Variants in UBE3D observed in about 807,000 individuals in gnomAD.
The protein encoded by UBE3D is ubiquitin protein ligase E3D.
A neutral mutation model predicts 49.6 loss-of-function variants in UBE3D; 48 were observed. The observed-to-expected ratio is 0.97, with a 90% CI of 0.77 to 1.23. The LOEUF (loss-of-function observed/expected upper bound fraction) is 1.23, where lower values mean the gene tolerates loss of function less well. Among genes scored for constraint, UBE3D ranks in the 50% most tolerant of loss-of-function variants. The probability of loss-of-function intolerance (pLI) is 0.00; values close to 1 mark genes in which losing one functional copy is unlikely to be tolerated. For synonymous variants in UBE3D, 189 were observed against 174.2 expected (o/e 1.08, Z -0.67); for missense variants, 452 against 468.4 (o/e 0.96, Z 0.32).
intron 8 of UBE3D, among the ~76,000 whole-genome samples, chr6:82,962,222 A>G (rs1381798626): frequency 6.6e-6 from 1 of 152,204 alleles, no homozygotes; most frequent in Non-Finnish European, 1.5e-5. Context: ...TATAATCAAA[A>G]ACAAGTAATG....
At position 82,917,643 on chromosome 6, in the gene UBE3D, A is replaced by T. The variant is rs74379669; in HGVS notation, c.1150-24601T>A. Reference sequence around the variant, plus strand: ...CCAACACTGAGCCTGTACCTCTGTAACAAATGACAGTAAGGGAGAATCCCA... The same window carrying T: ...CCAACACTGAGCCTGTACCTCTGTATCAAATGACAGTAAGGGAGAATCCCA... On this transcript the variant is annotated intron_variant, in intron 9 of 9. Coordinates refer to ENST00000369747, the MANE Select transcript of UBE3D (RefSeq NM_198920.3). Among the ~76,000 whole-genome samples the T allele has an allele frequency of 1.5e-3, 230 of 152,346 alleles. 1 individual carries two copies. Among genetic ancestry groups the T allele is most frequent in the African/African-American group, 5.2e-3 (216 of 41,586 alleles).
chr6:82,931,792 T>C (rs1021095712), intron 9 of UBE3D, among the ~76,000 whole-genome samples: 1 of 152,170 alleles, frequency 6.6e-6, no homozygotes, highest in Non-Finnish European at 1.5e-5. Context: ...TTATCTCAGA[T>C]GAGACTTTGG....
chr6:82,883,484 A>C, the UBE3D span, among the ~76,000 whole-genome samples: 1 of 152,224 alleles, frequency 6.6e-6, no homozygotes, highest in African/African-American at 2.4e-5. Context: ...GATGAATAAA[A>C]TACTGGACCT....
At chr6:82,989,715 A>G (rs902795109) in intron 8 of UBE3D, among the ~76,000 whole-genome samples, 11 of 152,270 alleles carry the variant, frequency 7.2e-5, no homozygotes, top group Middle Eastern at 3.4e-3. Flanking sequence ...TTTGAAAGGG[A>G]ACTGTCCCAT....
In UBE3D at chr6:82,978,154, C is replaced by T. The variant is rs541992272; in HGVS notation, c.1011-20704G>A. Among the ~76,000 whole-genome samples, 6 of 152,110 alleles carry T rather than the reference C, an allele frequency of 3.9e-5. No individual in the cohort carries two copies. In the East Asian group the frequency reaches 1.2e-3, roughly 29 times the overall value. The stretch of plus-strand genomic sequence containing the variant: ...CAGATCTTGTACCAGGCAACACAGT[C>T]CTGGGGCAAGTTGACGCTAATGGAG... On this transcript the variant is annotated intron_variant, in intron 8 of 9. Transcript: ENST00000369747.
chr6:83,033,480 C>T (rs1782025403), intron 5 of UBE3D, among the ~76,000 whole-genome samples: 1 of 152,072 alleles, frequency 6.6e-6, no homozygotes, highest in Non-Finnish European at 1.5e-5. Flanking sequence ...TGGGAGGTGA[C>T]TGGATTATGG....
chr6:82,986,174 TAAG>T (rs1232319391), intron 8 of UBE3D, among the ~76,000 whole-genome samples: 1 of 152,168 alleles, frequency 6.6e-6, no homozygotes, highest in Non-Finnish European at 1.5e-5. Context: ...TCCATTTGCT[TAAG>T]AATACTTCTG....
chr6:82,973,212 T>G (rs1398191790), intron 8 of UBE3D, among the ~76,000 whole-genome samples: 2 of 152,318 alleles, frequency 1.3e-5, no homozygotes, highest in African/African-American at 2.4e-5. Context: ...CAACTTGGAT[T>G]TGATTCTCCT....
In UBE3D at chr6:82,977,240, C is replaced by A. The variant is rs1276984149; in HGVS notation, c.1011-19790G>T. Reference sequence around the variant, plus strand: ...CTTTATAAATGTCTTCAAAATCTTGCATTTTTTCACCATGATCTCTATCAG... The same window carrying A: ...CTTTATAAATGTCTTCAAAATCTTGAATTTTTTCACCATGATCTCTATCAG... On this transcript the variant is annotated intron_variant, in intron 8 of 9. Transcript: ENST00000369747. Among the ~76,000 whole-genome samples, 4 of 151,186 alleles carry A rather than the reference C, an allele frequency of 2.6e-5. No individual in the cohort carries two copies. In the East Asian group the frequency reaches 7.8e-4, roughly 30 times the overall value.
intron 9 of UBE3D, among the ~76,000 whole-genome samples, chr6:82,936,940 G>T (rs892569734): frequency 3.9e-5 from 6 of 152,190 alleles, no homozygotes; most frequent in Non-Finnish European, 8.8e-5. Flanking sequence ...TATAGACAGG[G>T]AAAGTGACTT....
intron 9 of UBE3D, among the ~76,000 whole-genome samples, chr6:82,952,453 G>A (rs1289234223): frequency 5.3e-5 from 8 of 151,002 alleles, no homozygotes; most frequent in Non-Finnish European, 1.0e-4. Flanking sequence ...TTGAGATAGG[G>A]TCTCACTCTC....
intron 9 of UBE3D, among the ~76,000 whole-genome samples, chr6:82,904,884 A>T (rs1771989101): frequency 2.0e-5 from 3 of 152,194 alleles, no homozygotes; most frequent in Admixed American, 2.0e-4. Flanking sequence ...ATTTTCAAAT[A>T]TAAGAATGTA....
intron 9 of UBE3D, among the ~76,000 whole-genome samples, chr6:82,939,346 A>G (rs1379028558): frequency 6.6e-6 from 1 of 152,218 alleles, no homozygotes; most frequent in African/African-American, 2.4e-5. Flanking sequence ...AAAAATATGT[A>G]TTGTTTTGCT....
At chr6:83,064,751 G>T (rs1320381364) in intron 1 of UBE3D, among the ~76,000 whole-genome samples, 1 of 152,178 alleles carries the variant, frequency 6.6e-6, no homozygotes, top group Non-Finnish European at 1.5e-5. Context: ...CAAGATTGAA[G>T]AAATTCAGAT....
At chr6:83,054,588 C>A (rs1453517154) in intron 2 of UBE3D, among the ~76,000 whole-genome samples, 1 of 151,966 alleles carries the variant, frequency 6.6e-6, no homozygotes, top group Non-Finnish European at 1.5e-5. Context: ...TTCTCAGCTT[C>A]CCTCTGCTGT....
intron 9 of UBE3D, among the ~76,000 whole-genome samples, chr6:82,932,812 T>C (rs1348452360): frequency 6.6e-6 from 1 of 152,182 alleles, no homozygotes; most frequent in East Asian, 1.9e-4. Flanking sequence ...TACTACCCAA[T>C]TGCCATTGTT....
chr6:83,050,245 T>TA (rs1235813488), intron 3 of UBE3D, among the ~76,000 whole-genome samples: 12 of 69,476 alleles, frequency 1.7e-4, no homozygotes, highest in South Asian at 6.0e-4. Context: ...CCTTTTTTAT[T>TA]TAAAAAAAAA....
At chr6:82,979,174 G>A (rs1440221983) in intron 8 of UBE3D, among the ~76,000 whole-genome samples, 1 of 152,086 alleles carries the variant, frequency 6.6e-6, no homozygotes, top group African/African-American at 2.4e-5. Flanking sequence ...ACATCATCTT[G>A]CAATATGGTA....
intron 9 of UBE3D, among the ~76,000 whole-genome samples, chr6:82,949,308 T>C (rs1164954740): frequency 6.6e-6 from 1 of 151,762 alleles, no homozygotes; most frequent in Non-Finnish European, 1.5e-5. Context: ...TTTACTTAAC[T>C]GAGGAAATAA....
Sources: allele counts gnomAD v4.1 joint callset (sites outside exome capture counted in the v4.1 genomes callset), GRCh38; gene constraint gnomAD v4.1.1; transcripts MANE v1.5; gene names NCBI Gene and HGNC (gene_info 2026-07-23, HGNC 2026-07-21).